Variants in ZSCAN4 observed in about 807,000 individuals in gnomAD.
ZSCAN4 encodes zinc finger and SCAN domain containing 4, also known as zinc finger and SCAN domain-containing protein 4.
In ZSCAN4, 18 loss-of-function variants were observed where a neutral mutation model predicts 18.3. The observed-to-expected ratio is 0.98, with a 90% CI of 0.68 to 1.46. The LOEUF is 1.46. ZSCAN4 is among the 40% of genes most tolerant of loss of function. The pLI is 0.00. For synonymous variants in ZSCAN4, 193 were observed against 180.3 expected (o/e 1.07, Z -0.57); for missense variants, 498 against 511.4 (o/e 0.97, Z 0.25).
chr19:57,663,442 T>C, the ZSCAN4 span, among the ~76,000 whole-genome samples: 19 of 140,068 alleles, frequency 1.4e-4, no homozygotes, highest in African/African-American at 4.5e-4. Context: ...TCCCAGCACT[T>C]TGGGAGGCCG....
exon 3 of ZSCAN4, chr19:57,676,185 T>C (rs762601925): frequency 1.9e-6 from 3 of 1,614,062 alleles, no homozygotes; most frequent in South Asian, 1.1e-5. Context: ...GTGTGAACCA[T>C]CCGAGAATAA....
exon 5 of ZSCAN4, chr19:57,678,946 T>TGA: frequency 1.3e-6 from 2 of 1,518,408 alleles, no homozygotes; most frequent in Non-Finnish European, 1.8e-6. Context: ...TATGCAAGTA[T>TGA]GTATATTCCT....
At chr19:57,676,259 G>C in exon 3 of ZSCAN4, 1 of 1,614,132 alleles carries the variant, frequency 6.2e-7, no homozygotes, top group Non-Finnish European at 8.5e-7. Flanking sequence ...GAGAAGAAGG[G>C]ATTTCTGAGT....
At chr19:57,669,276 G>A (rs1055227899) in intron 1 of ZSCAN4, 73 bp downstream of exon 1, 8 of 152,116 alleles carry the variant, frequency 5.3e-5, no homozygotes, top group Admixed American at 4.6e-4. Context: ...GGTCAGGCTG[G>A]TCTCAAACTC....
chr19:57,670,741 G>A (rs1340522342), intron 2 of ZSCAN4, among the ~76,000 whole-genome samples, 174 bp downstream of exon 2: 7 of 152,174 alleles, frequency 4.6e-5, no homozygotes, highest in Admixed American at 4.6e-4. Context: ...CAGGTGTAGG[G>A]AATGGTCTTT....
chr19:57,673,944 G>C (rs1460978018), intron 2 of ZSCAN4, among the ~76,000 whole-genome samples: 1 of 152,084 alleles, frequency 6.6e-6, no homozygotes, highest in Non-Finnish European at 1.5e-5. Context: ...AGTAGAGACG[G>C]GGTTTCGCCA....
chr19:57,660,337 G>A, the ZSCAN4 span, among the ~76,000 whole-genome samples: 1 of 152,158 alleles, frequency 6.6e-6, no homozygotes, highest in East Asian at 1.9e-4. Context: ...CTACAGACAT[G>A]TTAAGAACAG....
At chr19:57,654,941 T>C in the ZSCAN4 span, among the ~76,000 whole-genome samples, 36 of 152,154 alleles carry the variant, frequency 2.4e-4, 1 homozygote, top group Non-Finnish European at 1.9e-4. Flanking sequence ...CCTCCTCCAA[T>C]ACATCAATAA....
At chr19:57,676,480 G>T in exon 3 of ZSCAN4, 1 of 1,614,136 alleles carries the variant, frequency 6.2e-7, no homozygotes. Flanking sequence ...AAATCAAGTG[G>T]CAAAAACTTG....
chr19:57,656,916 G>A, the ZSCAN4 span, among the ~76,000 whole-genome samples: 3 of 152,080 alleles, frequency 2.0e-5, no homozygotes, highest in Non-Finnish European at 4.4e-5. Context: ...ATTCCAGGGA[G>A]GTCGAAGCTT....
At chr19:57,676,932 C>T (rs764951882) in intron 3 of ZSCAN4, among the ~76,000 whole-genome samples, 4 of 152,146 alleles carry the variant, frequency 2.6e-5, no homozygotes, top group Non-Finnish European at 4.4e-5. Flanking sequence ...GCGTGCTCCA[C>T]CAAGGCCGGC....
chr19:57,653,654 C>A, the ZSCAN4 span, among the ~76,000 whole-genome samples: 4 of 152,152 alleles, frequency 2.6e-5, no homozygotes, highest in Non-Finnish European at 4.4e-5. Flanking sequence ...CCCAAAAGTT[C>A]AAAAGGTACT....
the ZSCAN4 span, among the ~76,000 whole-genome samples, chr19:57,655,444 C>T: frequency 6.6e-6 from 1 of 152,186 alleles, no homozygotes; most frequent in Non-Finnish European, 1.5e-5. Flanking sequence ...AGCGGTACCC[C>T]ACAAGCCATT....
chr19:57,653,407 A>C, the ZSCAN4 span, among the ~76,000 whole-genome samples: 1 of 150,998 alleles, frequency 6.6e-6, no homozygotes, highest in South Asian at 2.1e-4. Flanking sequence ...AAAAAAAAAA[A>C]GGAAAGAAAA....
exon 5 of ZSCAN4, chr19:57,678,725 A>G (rs1984270752): frequency 1.2e-6 from 2 of 1,614,168 alleles, no homozygotes; most frequent in South Asian, 1.1e-5. Context: ...GCATGTGTAA[A>G]AAGTCCTTCA....
chr19:57,663,663 C>T, the ZSCAN4 span, among the ~76,000 whole-genome samples: 2 of 147,068 alleles, frequency 1.4e-5, no homozygotes, highest in Middle Eastern at 7.4e-3. Flanking sequence ...GCCCAGATCC[C>T]ACCACTGTAC....
intron 2 of ZSCAN4, among the ~76,000 whole-genome samples, 153 bp from the exon 3 acceptor site, chr19:57,675,888 T>G (rs1274652576): frequency 6.6e-6 from 1 of 152,274 alleles, no homozygotes; most frequent in Non-Finnish European, 1.5e-5. Context: ...AAGTGGGTAG[T>G]GCTTCCTCTT....
At chr19:57,674,005 C>T (rs577187980) in intron 2 of ZSCAN4, among the ~76,000 whole-genome samples, 201 of 152,290 alleles carry the variant, frequency 1.3e-3, no homozygotes, top group African/African-American at 4.5e-3. Flanking sequence ...CTGCCCGCCT[C>T]GGCCTCCCAA....
chr19:57,670,053 C>G (rs374035376), intron 1 of ZSCAN4, among the ~76,000 whole-genome samples, 192 bp from the exon 2 acceptor site: 4 of 151,964 alleles, frequency 2.6e-5, no homozygotes, highest in East Asian at 1.9e-4. Flanking sequence ...CAGGTGCCCA[C>G]CACCATGCCC....
Sources: allele counts gnomAD v4.1 joint callset (sites outside exome capture counted in the v4.1 genomes callset), GRCh38; gene constraint gnomAD v4.1.1; transcripts MANE v1.5; gene names NCBI Gene and HGNC (gene_info 2026-07-23, HGNC 2026-07-21).